The following ABCA13 variants were observed in gnomAD, a reference collection of about 807,000 sequenced individuals.
The protein encoded by ABCA13 is ATP binding cassette subfamily A member 13.
A neutral mutation model predicts 478.7 loss-of-function variants in ABCA13; 476 were observed. That is an observed-to-expected ratio of 0.99 (90% CI 0.92 to 1.07). The LOEUF is 1.07. Ranked by LOEUF, ABCA13 falls within the 50% of genes least tolerant of loss-of-function variation. The pLI is 0.00. For synonymous variants in ABCA13, 2,252 were observed against 2,158.9 expected (o/e 1.04, Z -1.20); for missense variants, 6,060 against 5,910.6 (o/e 1.03, Z -0.83).
intron 42 of ABCA13, among the ~76,000 whole-genome samples, chr7:48,441,034 C>G (rs528262862): frequency 3.3e-5 from 5 of 152,020 alleles, no homozygotes; most frequent in Non-Finnish European, 7.4e-5. Flanking sequence ...TATTTCATTA[C>G]CAAATAAGAA....
intron 44 of ABCA13, 21 bp from the exon 45 acceptor site, chr7:48,471,509 A>T: frequency 6.5e-7 from 1 of 1,543,128 alleles, no homozygotes; most frequent in South Asian, 1.2e-5. Context: ...GATCATTCCA[A>T]TTCTCTCCTT....
chr7:48,531,730 AATT>A (rs1833245844), intron 55 of ABCA13, among the ~76,000 whole-genome samples: 1 of 100,942 alleles, frequency 9.9e-6, no homozygotes. Context: ...GTATATTCCT[AATT>A]TTTTTTTTTT....
At chr7:48,591,076 CTT>C (rs200602257) in intron 57 of ABCA13, among the ~76,000 whole-genome samples, 18,846 of 145,888 alleles carry the variant, frequency 0.13, 1,385 homozygotes, top group East Asian at 0.18. Context: ...AGGAGCTCTT[CTT>C]TTTTTTTTTC....
chr7:48,415,753 A>G (rs1168733536), intron 41 of ABCA13, among the ~76,000 whole-genome samples: 2 of 152,200 alleles, frequency 1.3e-5, no homozygotes, highest in Non-Finnish European at 2.9e-5. Flanking sequence ...AAAACTGGTG[A>G]GGAAAGCCTT....
rs765999414 is a variant in ABCA13, at chr7:48,350,723, T to C, written c.10285T>C (p.Ser3429Pro). Residue 3429 changes from serine (S) to proline (P), a missense_variant, in exon 30 of 62, where the codon TCC becomes CCC. Ser to Pro is a moderately conservative substitution (Grantham distance 74). This residue lies in a region of ABCA13 where 4,423 missense variants were observed against 4,309.1 expected (regional missense o/e 1.03). Coordinates refer to ENST00000435803, the MANE Select transcript of ABCA13 (RefSeq NM_152701.5). ...FLGSILVNLSSCVALNRFQAL... is the reference protein window; with the variant it reads ...FLGSILVNLSPCVALNRFQAL... ...GGGCAGCATCTTGGTCAATCTCTCTTCCTGCGTGGCACTGAACCGTTTCCA... is the reference window on the plus strand; with the variant it reads ...GGGCAGCATCTTGGTCAATCTCTCTCCCTGCGTGGCACTGAACCGTTTCCA... 1 of 1,613,992 alleles carries C rather than the reference T, an allele frequency of 6.2e-7. No individual in the cohort carries two copies. Among genetic ancestry groups the C allele is most frequent in the Non-Finnish European group, 8.5e-7 (1 of 1,179,868 alleles).
intron 48 of ABCA13, among the ~76,000 whole-genome samples, chr7:48,505,170 G>T (rs1831091114): frequency 6.6e-6 from 1 of 152,104 alleles, no homozygotes; most frequent in South Asian, 2.1e-4. Context: ...TACTGTTGTT[G>T]CTTTTATGAG....
chr7:48,617,933 T>C (rs1792750446), intron 59 of ABCA13, among the ~76,000 whole-genome samples: 1 of 152,090 alleles, frequency 6.6e-6, no homozygotes, highest in Non-Finnish European at 1.5e-5. Flanking sequence ...TAGGGACAGA[T>C]ACATAAGAGG....
chr7:48,367,842 G>A lies in ABCA13; in HGVS notation c.10737G>A (p.Thr3579=), dbSNP rs188751959. 3.9e-5 allele frequency: 61 copies of A among 1,580,592 alleles called. No individual in the cohort carries two copies. Among genetic ancestry groups the A allele is most frequent in the Non-Finnish European group, 4.6e-5 (54 of 1,162,200 alleles). Residue 3579 remains threonine (T), a synonymous_variant, in exon 32 of 62, where the codon ACG becomes ACA. Transcript: ENST00000435803. The stretch of plus-strand genomic sequence containing the variant: ...TTTTTCCACTGATAATGATGCTGAC[G>A]TGGATGGTGTCTGTGGCCAGCATGG... The part of the protein sequence containing the change: ...GFFFPLIMML[T]WMVSVASMVR...
At chr7:48,611,612 T>G (rs1792034873) in intron 58 of ABCA13, among the ~76,000 whole-genome samples, 1 of 151,888 alleles carries the variant, frequency 6.6e-6, no homozygotes, top group Non-Finnish European at 1.5e-5. Flanking sequence ...AAAGGGGAAG[T>G]GCTACACACT....
In ABCA13 at chr7:48,274,887, G is replaced by A. The variant is rs778302070; in HGVS notation, c.5221G>A (p.Asp1741Asn). The change falls in exon 17 of 62, where the codon GAT (aspartate) becomes AAT (asparagine). Residue 1741 changes from aspartate (D) to asparagine (N), a missense_variant. By Grantham distance (23) the Asp-to-Asn change is conservative. This residue lies in a region of ABCA13 where 4,423 missense variants were observed against 4,309.1 expected (regional missense o/e 1.03). Coordinates refer to ENST00000435803, the MANE Select transcript of ABCA13 (RefSeq NM_152701.5). ...LSRLFPKDVV[D>N]AVIDVYYVLP... ...ACGCCTGTTTCCTAAAGATGTTGTGGATGCTGTGATAGATGTGTACTATGT... is the reference window on the plus strand; with the variant it reads ...ACGCCTGTTTCCTAAAGATGTTGTGAATGCTGTGATAGATGTGTACTATGT... 1.2e-6 allele frequency: 2 copies of A among 1,613,908 alleles called. No homozygotes were observed. The highest frequency in any genetic ancestry group is 2.2e-5 in the East Asian group (1 of 44,880).
At chr7:48,596,443 A>G (rs1790286215) in intron 58 of ABCA13, among the ~76,000 whole-genome samples, 1 of 152,222 alleles carries the variant, frequency 6.6e-6, no homozygotes, top group Non-Finnish European at 1.5e-5. Context: ...AGACTTGTGC[A>G]AATATTACCA....
chr7:48,221,882 G>A lies in ABCA13; in HGVS notation c.468+573G>A, dbSNP rs138757309. On this transcript the variant is annotated intron_variant, in intron 5 of 61. Coordinates refer to ENST00000435803, the MANE Select transcript of ABCA13 (RefSeq NM_152701.5). ...ATCTGACCCAGAACATCAGTAGTCC[G>A]GTTGATAAGCCTCAAGTTAAGGTGC... 5.2e-4 allele frequency among the ~76,000 whole-genome samples: 79 copies of A among 152,318 alleles called. 1 individual carries two copies. The highest frequency in any genetic ancestry group is 1.3e-4 in the Non-Finnish European group (9 of 68,032).
intron 19 of ABCA13, among the ~76,000 whole-genome samples, chr7:48,287,589 C>T (rs1390340510): frequency 6.6e-6 from 1 of 152,070 alleles, no homozygotes. Flanking sequence ...AACTGGGGCA[C>T]TTTTGAGAAT....
chr7:48,487,086 G>A (rs376713830), intron 47 of ABCA13, among the ~76,000 whole-genome samples: 44 of 152,058 alleles, frequency 2.9e-4, no homozygotes, highest in Middle Eastern at 3.4e-3. Context: ...CAAAGTGGGC[G>A]GATCACCTGA....
intron 1 of ABCA13, among the ~76,000 whole-genome samples, chr7:48,179,227 A>T (rs186886285): frequency 2.0e-4 from 30 of 152,322 alleles, no homozygotes; most frequent in Admixed American, 1.9e-3. Flanking sequence ...AGGCAAAGGC[A>T]GCCTCAAGTG....
intron 55 of ABCA13, among the ~76,000 whole-genome samples, chr7:48,529,371 C>T (rs1037497836): frequency 1.3e-5 from 2 of 152,246 alleles, no homozygotes; most frequent in East Asian, 1.9e-4. Flanking sequence ...CCTCGTATCC[C>T]ATTCTTTTTT....
At chr7:48,503,835 T>C (rs1370041089) in intron 48 of ABCA13, among the ~76,000 whole-genome samples, 1 of 152,174 alleles carries the variant, frequency 6.6e-6, no homozygotes, top group Non-Finnish European at 1.5e-5. Context: ...TGCTGGAGCA[T>C]ATGGTAGATC....
At chr7:48,452,293 G>A (rs994214254) in intron 42 of ABCA13, among the ~76,000 whole-genome samples, 9 of 152,148 alleles carry the variant, frequency 5.9e-5, no homozygotes, top group Admixed American at 5.2e-4. Flanking sequence ...TACAAGTGAG[G>A]AGATGACATT....
intron 39 of ABCA13, among the ~76,000 whole-genome samples, chr7:48,409,846 G>A (rs73099365): frequency 0.19 from 29,245 of 150,982 alleles, 3,205 homozygotes; most frequent in East Asian, 0.23. Flanking sequence ...TTGGGTGGCC[G>A]AGGTGGGTGG....
Sources: allele counts gnomAD v4.1 joint callset (sites outside exome capture counted in the v4.1 genomes callset), GRCh38; gene constraint gnomAD v4.1.1; regional missense constraint gnomAD v4.1.1; transcripts MANE v1.5; gene names NCBI Gene and HGNC (gene_info 2026-07-23, HGNC 2026-07-21).